RARB: variants seen among roughly 807,000 people sequenced by gnomAD.
The protein encoded by RARB is retinoic acid receptor beta.
In RARB, 17 loss-of-function variants were observed where a neutral mutation model predicts 51.9. The ratio of observed to expected loss-of-function variants is 0.33; its 90% CI spans 0.22 to 0.49. The LOEUF is 0.49. RARB is among the 20% of genes least tolerant of loss of function. RARB has a pLI of 0.99. For missense variants in RARB, 369 were observed against 550.8 expected (o/e 0.67, Z 3.30); for synonymous variants, 215 against 195.4 (o/e 1.10, Z -0.84).
chr3:25,043,824 A>G (rs1247361611), intron 2 of RARB, among the ~76,000 whole-genome samples: 2 of 152,230 alleles, frequency 1.3e-5, no homozygotes, highest in African/African-American at 4.8e-5. Context: ...GAGGTTAGAC[A>G]TATGCAATAA....
intron 3 of RARB, among the ~76,000 whole-genome samples, chr3:25,083,875 T>A (rs1699056574): frequency 6.6e-6 from 1 of 152,206 alleles, no homozygotes. Context: ...AGAGTTGCCT[T>A]ACTCTTTAAG....
intron 5 of RARB, among the ~76,000 whole-genome samples, chr3:25,210,558 T>G (rs7651019): frequency 0.59 from 26,533 of 45,118 alleles, 8,646 homozygotes; most frequent in Non-Finnish European, 0.64. Flanking sequence ...TTTTTTGAGA[T>G]TGAGTCTCAC....
At chr3:25,586,177 C>T (rs1701378856) in intron 5 of RARB, among the ~76,000 whole-genome samples, 1 of 152,140 alleles carries the variant, frequency 6.6e-6, no homozygotes, top group African/African-American at 2.4e-5. Context: ...TCTAGGTTAC[C>T]CACCCTCTTC....
chr3:25,482,941 A>G lies in RARB; in HGVS notation c.307-18241A>G, dbSNP rs577824305. ...TTATTTCAACAATTAATATAAAACT[A>G]TTGAAATATTTTTACATAGTAATTT... On this transcript the variant is annotated intron_variant, in intron 2 of 7. Coordinates refer to ENST00000330688, the MANE Select transcript of RARB (RefSeq NM_000965.5). 2.0e-5 allele frequency among the ~76,000 whole-genome samples: 3 copies of G among 152,216 alleles called. No homozygotes were observed. In the South Asian group the frequency reaches 6.2e-4, roughly 31 times the overall value.
intron 2 of RARB, among the ~76,000 whole-genome samples, chr3:24,931,878 T>A (rs1695447270): frequency 6.6e-6 from 1 of 152,038 alleles, no homozygotes. Flanking sequence ...GGCCAGAGAG[T>A]GTCAAGTGTG....
chr3:25,077,053 T>A (rs1698884919), intron 3 of RARB, among the ~76,000 whole-genome samples: 1 of 152,216 alleles, frequency 6.6e-6, no homozygotes, highest in Admixed American at 6.5e-5. Context: ...TGTAGGCATC[T>A]AAAGTAGGGC....
intron 5 of RARB, among the ~76,000 whole-genome samples, chr3:25,584,017 A>G (rs564879513): frequency 6.6e-6 from 1 of 151,162 alleles, no homozygotes; most frequent in African/African-American, 2.4e-5. Context: ...CTTTTCTTCC[A>G]CTCTCTCTCA....
chr3:24,874,213 A>G (rs901690674), intron 2 of RARB, among the ~76,000 whole-genome samples: 5 of 152,026 alleles, frequency 3.3e-5, no homozygotes, highest in Non-Finnish European at 4.4e-5. Flanking sequence ...ACAATATGGT[A>G]CTACTGATTC....
chr3:25,206,124 A>G (rs1388863434), intron 5 of RARB, among the ~76,000 whole-genome samples: 1 of 152,232 alleles, frequency 6.6e-6, no homozygotes, highest in Non-Finnish European at 1.5e-5. Flanking sequence ...TAAGTCAAGG[A>G]TCATCTGTAT....
chr3:25,229,613 G>C (rs1702130733), intron 5 of RARB, among the ~76,000 whole-genome samples: 2 of 152,030 alleles, frequency 1.3e-5, no homozygotes, highest in South Asian at 2.1e-4. Context: ...AAATGATGGA[G>C]TGTACATCAG....
intron 1 of RARB, among the ~76,000 whole-genome samples, chr3:25,443,517 C>T (rs903397857): frequency 2.0e-5 from 3 of 151,606 alleles, no homozygotes; most frequent in African/African-American, 7.3e-5. Context: ...GAGGCTGAGG[C>T]AGGAGAATCG....
intron 1 of RARB, among the ~76,000 whole-genome samples, chr3:25,442,301 A>AAAAAAC (rs1559404427): frequency 1.2e-4 from 18 of 151,894 alleles, no homozygotes; most frequent in Admixed American, 6.6e-5. Flanking sequence ...ACGCCCAGCT[A>AAAAAAC]ATTTTTGTGT....
chr3:24,892,999 C>G (rs1703414384), intron 2 of RARB, among the ~76,000 whole-genome samples: 1 of 152,182 alleles, frequency 6.6e-6, no homozygotes, highest in Non-Finnish European at 1.5e-5. Context: ...GTAGCTGACT[C>G]AAGAGAATTC....
At chr3:25,140,449 A>C (rs1433279243) in intron 4 of RARB, among the ~76,000 whole-genome samples, 1 of 152,222 alleles carries the variant, frequency 6.6e-6, no homozygotes, top group Non-Finnish European at 1.5e-5. Context: ...GAGAGCAAGA[A>C]TCAGAAGTGG....
chr3:25,340,255 C>G (rs1705190309), intron 5 of RARB, among the ~76,000 whole-genome samples: 1 of 152,132 alleles, frequency 6.6e-6, no homozygotes, highest in Non-Finnish European at 1.5e-5. Flanking sequence ...TACTTCTATA[C>G]TTACCTCATC....
chr3:24,958,976 G>T (rs898322669), intron 2 of RARB, among the ~76,000 whole-genome samples: 5 of 152,206 alleles, frequency 3.3e-5, no homozygotes, highest in African/African-American at 1.2e-4. Context: ...GGTGCAGGAG[G>T]CAGGGCAAGT....
At chr3:25,349,942 C>G (rs1437438064) in intron 5 of RARB, among the ~76,000 whole-genome samples, 1 of 151,950 alleles carries the variant, frequency 6.6e-6, no homozygotes, top group African/African-American at 2.4e-5. Context: ...CTTTGATTGA[C>G]AAGTTGGTAC....
chr3:25,044,941 G>A (rs919985757), intron 2 of RARB, among the ~76,000 whole-genome samples: 1 of 152,122 alleles, frequency 6.6e-6, no homozygotes, highest in Admixed American at 6.5e-5. Flanking sequence ...ACAGTTTATA[G>A]TTTGAAGGGG....
intron 5 of RARB, among the ~76,000 whole-genome samples, chr3:25,183,873 A>G (rs908933451): frequency 2.6e-5 from 4 of 152,106 alleles, no homozygotes; most frequent in African/African-American, 9.7e-5. Flanking sequence ...TTATGTAATT[A>G]GTTGTACACA....
Sources: gnomAD v4.1 joint callset for allele counts (sites outside exome capture counted in the v4.1 genomes callset) on GRCh38, gnomAD v4.1.1 for gene constraint, MANE v1.5 for transcripts, NCBI Gene and HGNC (gene_info 2026-07-23, HGNC 2026-07-21) for gene names.